Variants in FBN1 observed in about 807,000 individuals in gnomAD.
FBN1 encodes the protein fibrillin 1.
In FBN1, 29 loss-of-function variants were observed where a neutral mutation model predicts 365.1. The ratio of observed to expected loss-of-function variants is 0.08; its 90% CI spans 0.06 to 0.11. The LOEUF is 0.11. FBN1 is among the 10% of genes least tolerant of loss of function. The probability of loss-of-function intolerance (pLI) is 1.00; values close to 1 mark genes in which losing one functional copy is unlikely to be tolerated. For synonymous variants in FBN1, 1,210 were observed against 1,270.5 expected (o/e 0.95, Z 1.01); for missense variants, 2,476 against 3,703.2 (o/e 0.67, Z 8.60).
Position 48,598,811 on chromosome 15 carries a change from G to A in FBN1, c.442+1328C>T, listed in dbSNP as rs570612564. The stretch of plus-strand genomic sequence containing the variant: ...ACTGCAGTGTGTGGATGGTGATACA[G>A]TTTGGCTGTGTCACCACCCAAATCT... On this transcript the variant is annotated intron_variant, in intron 5 of 65. Transcript: ENST00000316623. 7.9e-5 allele frequency among the ~76,000 whole-genome samples: 12 copies of A among 152,300 alleles called. 1 individual carries two copies. The highest frequency in any genetic ancestry group is 2.9e-4 in the African/African-American group (12 of 41,572).
At chr15:48,425,930 T>A (rs2042976829) in intron 58 of FBN1, 66 bp from the exon 59 acceptor site, 1 of 1,292,734 alleles carries the variant, frequency 7.7e-7, no homozygotes, top group Non-Finnish European at 1.1e-6. Context: ...ATGTAGGGGG[T>A]CACTTCAGTG....
At position 48,498,967 on chromosome 15, in the gene FBN1, T is replaced by G; in HGVS notation, c.2167+18A>C. On this transcript the variant is annotated intron_variant, in intron 18 of 65. Transcript: ENST00000316623. ...TCTGCACATACTGAAGGTAGTAAATTTTGAAAGGAATCCTTACCACTGCCT... is the reference window on the plus strand; with the variant it reads ...TCTGCACATACTGAAGGTAGTAAATGTTGAAAGGAATCCTTACCACTGCCT... The G allele has an allele frequency of 6.2e-7, 1 of 1,613,598 alleles. No individual in the cohort carries two copies. The highest frequency in any genetic ancestry group is 8.5e-7 in the Non-Finnish European group (1 of 1,179,542).
At chr15:48,424,395 T>TCCTCC (rs1378408196) in intron 60 of FBN1, among the ~76,000 whole-genome samples, 1 of 152,112 alleles carries the variant, frequency 6.6e-6, no homozygotes, top group Non-Finnish European at 1.5e-5. Flanking sequence ...TCCTCTCCTC[T>TCCTCC]CCTCCAATCT....
chr15:48,591,068 T>A (rs2044473041), intron 6 of FBN1, among the ~76,000 whole-genome samples: 1 of 152,230 alleles, frequency 6.6e-6, no homozygotes, highest in Non-Finnish European at 1.5e-5. Flanking sequence ...CTATTTGCAT[T>A]TATGCTTCCA....
At position 48,644,922 on chromosome 15, in the gene FBN1, C is replaced by T; in HGVS notation, c.-153G>A. 1 of 649,504 alleles carries T rather than the reference C, an allele frequency of 1.5e-6. No homozygotes were observed. The highest frequency in any genetic ancestry group is 5.4e-5 in the South Asian group (1 of 18,420). 40.2% of individuals were successfully genotyped at this position (649,504 alleles called of 1,614,324 possible). ...GGGCTCCTCCCGCCTTCTCCAGGCG[C>T]TGCTCCCACTTCAGGCGGCCCCTGC... On this transcript the variant is annotated 5_prime_UTR_variant, in exon 2 of 66. Transcript: ENST00000316623.
intron 49 of FBN1, among the ~76,000 whole-genome samples, chr15:48,443,248 C>G (rs2043130217): frequency 6.6e-6 from 1 of 152,164 alleles, no homozygotes; most frequent in Non-Finnish European, 1.5e-5. Flanking sequence ...ACCCCTATAT[C>G]CAACCTTTTC....
intron 9 of FBN1, among the ~76,000 whole-genome samples, chr15:48,524,305 G>T (rs1209135979): frequency 6.6e-6 from 1 of 152,184 alleles, no homozygotes; most frequent in Non-Finnish European, 1.5e-5. Context: ...GAATTTTACG[G>T]TTAGAAGAAA....
At chr15:48,598,411 T>C (rs1202167017) in intron 5 of FBN1, among the ~76,000 whole-genome samples, 1 of 152,234 alleles carries the variant, frequency 6.6e-6, no homozygotes, top group Non-Finnish European at 1.5e-5. Flanking sequence ...TTATTGATGT[T>C]GTTAGTGTTG....
At position 48,488,398 on chromosome 15, in the gene FBN1, C is replaced by T; in HGVS notation, c.3178G>A (p.Ala1060Thr). ...SFKCRCDSGF[A>T]LDSEERNCTD... ...CAGTTCCTTTCTTCAGAATCAAGAGCAAAGCCGCTGTCACACCTGCACTTA... is the reference window on the plus strand; with the variant it reads ...CAGTTCCTTTCTTCAGAATCAAGAGTAAAGCCGCTGTCACACCTGCACTTA... The change falls in exon 26 of 66, where the codon GCT becomes ACT. Residue 1060 changes from alanine to threonine, a missense_variant. Around this residue, in one of 5 missense-constraint regions of FBN1, gnomAD observed 1,780 missense variants for 2,840.8 expected, o/e 0.63. Coordinates refer to ENST00000316623, the MANE Select transcript of FBN1 (RefSeq NM_000138.5). 1.2e-6 allele frequency: 2 copies of T among 1,614,214 alleles called. No individual in the cohort carries two copies. Among genetic ancestry groups the T allele is most frequent in the Non-Finnish European group, 1.7e-6 (2 of 1,180,040 alleles).
chr15:48,446,871 T>A, intron 46 of FBN1, 49 bp from the exon 47 acceptor site: 1 of 1,304,750 alleles, frequency 7.7e-7, no homozygotes, highest in Non-Finnish European at 1.1e-6. Flanking sequence ...GTAGAAAAAG[T>A]GGTTACACGG....
Position 48,526,213 on chromosome 15 carries a change from C to A in FBN1, c.905G>T (p.Gly302Val), listed in dbSNP as rs779866501. 7.4e-6 allele frequency: 12 copies of A among 1,613,974 alleles called. No individual in the cohort carries two copies. The highest frequency in any genetic ancestry group is 1.7e-4 in the Middle Eastern group (1 of 6,060). ...CSTIPGICEGGECTNTVSSYF... is the reference protein window; with the variant it reads ...CSTIPGICEGVECTNTVSSYF... The stretch of plus-strand genomic sequence containing the variant: ...ACTGCTGACTGTGTTTGTACATTCA[C>A]CCCCTTCACAGATTCCAGGAATGGT... Residue 302 changes from glycine (G) to valine (V), a missense_variant, in exon 9 of 66, where the codon GGT (glycine) becomes GTT (valine). Gly to Val is a moderately radical substitution (Grantham distance 109). Coordinates refer to ENST00000316623, the MANE Select transcript of FBN1 (RefSeq NM_000138.5).
chr15:48,586,182 G>T (rs1041250561), intron 6 of FBN1, among the ~76,000 whole-genome samples: 2 of 152,132 alleles, frequency 1.3e-5, no homozygotes, highest in Non-Finnish European at 2.9e-5. Flanking sequence ...TTCATTGGAG[G>T]AATAAAAATG....
intron 6 of FBN1, among the ~76,000 whole-genome samples, chr15:48,582,154 A>C (rs947068580): frequency 6.6e-6 from 1 of 152,236 alleles, no homozygotes; most frequent in East Asian, 1.9e-4. Flanking sequence ...TAGATCAGTC[A>C]TTTCTTTTTT....
rs1043010329 is a variant in FBN1 at position 48,472,743 on chromosome 15, C to T, written c.4211-67G>A. The T allele has an allele frequency of 3.1e-6, 5 of 1,610,714 alleles. No individual in the cohort carries two copies. The African/African-American group carries it at 5.3e-5, about 17-fold the overall frequency. Reference sequence around the variant, plus strand: ...GGGCTTTCTAATTCCTCAGGTCTATCAACTTTCCAGTGCAGCAATGTTTTG... The same window carrying T: ...GGGCTTTCTAATTCCTCAGGTCTATTAACTTTCCAGTGCAGCAATGTTTTG... On this transcript the variant is annotated intron_variant, in intron 34 of 65. Transcript: ENST00000316623.
intron 8 of FBN1, 102 bp from the exon 9 acceptor site, chr15:48,526,357 G>T: frequency 7.9e-7 from 1 of 1,269,482 alleles, no homozygotes; most frequent in Non-Finnish European, 1.1e-6. Flanking sequence ...TCATGTCCCT[G>T]GAAACAGCCA....
At chr15:48,587,780 G>C (rs749482214) in intron 6 of FBN1, among the ~76,000 whole-genome samples, 1 of 152,098 alleles carries the variant, frequency 6.6e-6, no homozygotes, top group African/African-American at 2.4e-5. Flanking sequence ...GCCTAGCTTA[G>C]TGCCAAGGCT....
At chr15:48,633,733 A>T (rs1170066205) in intron 2 of FBN1, among the ~76,000 whole-genome samples, 2 of 152,218 alleles carry the variant, frequency 1.3e-5, no homozygotes, top group Non-Finnish European at 2.9e-5. Context: ...ACCCATGCCC[A>T]CAGGATTGAT....
intron 15 of FBN1, 152 bp downstream of exon 15, chr15:48,508,430 G>T: frequency 1.1e-6 from 1 of 895,016 alleles, no homozygotes; most frequent in Non-Finnish European, 1.8e-6. Context: ...TTGGATGGCT[G>T]GATTTAAGAA....
At position 48,437,379 on chromosome 15, in the gene FBN1, G is replaced by A. The variant is rs1246984265; in HGVS notation, c.6322C>T (p.Arg2108Cys). 2.5e-6 allele frequency: 4 copies of A among 1,612,818 alleles called. No homozygotes were observed. The highest frequency in any genetic ancestry group is 1.3e-5 in the African/African-American group (1 of 74,844). Residue 2108 changes from arginine to cysteine, a missense_variant, in exon 52 of 66, where the codon CGC (arginine) becomes TGC (cysteine). Physicochemically the swap from Arg to Cys is radical, Grantham distance 180. Coordinates refer to ENST00000316623, the MANE Select transcript of FBN1 (RefSeq NM_000138.5). Reference protein sequence around the residue: ...LCPTEPDEAFRQICPYGSGII... With the variant: ...LCPTEPDEAFCQICPYGSGII... Reference sequence around the variant, plus strand: ...CCACTTCCATAAGGACATATCTGGCGGAAGGCCTCTGTGGTGGAGACACTC... The same window carrying A: ...CCACTTCCATAAGGACATATCTGGCAGAAGGCCTCTGTGGTGGAGACACTC...
Sources: gnomAD v4.1 joint callset for allele counts (sites outside exome capture counted in the v4.1 genomes callset) on GRCh38, gnomAD v4.1.1 for gene constraint, gnomAD v4.1.1 regional missense constraint, MANE v1.5 for transcripts, NCBI Gene and HGNC (gene_info 2026-07-23, HGNC 2026-07-21) for gene names.